The following C16orf87 variants were observed in gnomAD, a reference collection of about 807,000 sequenced individuals.
C16orf87 encodes UPF0547 protein C16orf87.
Under a neutral mutation model 21.0 loss-of-function variants are expected in C16orf87, and 13 were observed. The observed-to-expected ratio is 0.62, with a 90% CI of 0.40 to 0.98. The LOEUF (loss-of-function observed/expected upper bound fraction) is 0.98, where lower values mean the gene tolerates loss of function less well. C16orf87 is among the 50% of genes least tolerant of loss of function. The probability of loss-of-function intolerance (pLI) is 0.00; values close to 1 mark genes in which losing one functional copy is unlikely to be tolerated. For missense variants in C16orf87, 113 were observed against 180.4 expected (o/e 0.63, Z 2.14); for synonymous variants, 49 against 60.2 (o/e 0.81, Z 0.86).
At chr16:46,827,291 T>C (rs1315839784) in intron 1 of C16orf87, among the ~76,000 whole-genome samples, 1 of 152,172 alleles carries the variant, frequency 6.6e-6, no homozygotes, top group African/African-American at 2.4e-5. Flanking sequence ...CCCTAGATCC[T>C]GTAAAAAGAA....
rs955232161 is a variant in C16orf87, at chr16:46,799,924, C to A, written c.*3028G>T. The A allele has an allele frequency of 6.6e-6, 1 of 152,152 alleles. No individual in the cohort carries two copies. Among genetic ancestry groups the A allele is most frequent in the African/African-American group, 2.4e-5 (1 of 41,426 alleles). The allele number at this position is 152,152 out of a possible 1,614,324, so 9.4% of individuals were successfully genotyped here. On this transcript the variant is annotated 3_prime_UTR_variant, in exon 4 of 4. Coordinates refer to ENST00000285697, the MANE Select transcript of C16orf87 (RefSeq NM_001001436.4). ...AAAGTGTTGGGATTACAGGTGTAAG[C>A]CACCATGCCTGGCCAATTAATACTT...
chr16:46,811,321 T>C (rs1596812014), intron 2 of C16orf87, among the ~76,000 whole-genome samples: 1 of 152,002 alleles, frequency 6.6e-6, no homozygotes, highest in Admixed American at 6.6e-5. Context: ...CTGACCAACA[T>C]GGCAAAACCC....
At chr16:46,817,834 A>G (rs1048095486) in intron 2 of C16orf87, among the ~76,000 whole-genome samples, 1 of 151,190 alleles carries the variant, frequency 6.6e-6, no homozygotes, top group Non-Finnish European at 1.5e-5. Context: ...TTAAAGATGA[A>G]TATAGATATC....
At chr16:46,827,187 A>G (rs1959651825) in intron 1 of C16orf87, among the ~76,000 whole-genome samples, 1 of 152,176 alleles carries the variant, frequency 6.6e-6, no homozygotes, top group Admixed American at 6.5e-5. Flanking sequence ...GAGTTAATTC[A>G]TTCTATAGTC....
chr16:46,809,541 A>G (rs1203833278), intron 3 of C16orf87, 62 bp downstream of exon 3: 9 of 1,142,446 alleles, frequency 7.9e-6, no homozygotes, highest in Non-Finnish European at 1.1e-5. Context: ...CTTCACTACT[A>G]CCTAATTAAG....
rs901430867 is a variant in C16orf87, at chr16:46,802,446, C to T, written c.*506G>A. On this transcript the variant is annotated 3_prime_UTR_variant, in exon 4 of 4. Coordinates refer to ENST00000285697, the MANE Select transcript of C16orf87 (RefSeq NM_001001436.4). ...TTTACAGTTTATATTCTTAATTCCC[C>T]ATTCAATAAAATATCGATTGCCAAT... 1.3e-5 allele frequency: 2 copies of T among 152,460 alleles called. No individual in the cohort carries two copies. Among genetic ancestry groups the T allele is most frequent in the East Asian group, 1.9e-4 (1 of 5,186 alleles). 9.4% of individuals were successfully genotyped at this position (152,460 alleles called of 1,614,324 possible). A position where few individuals can be genotyped will look rare whatever the true frequency, so the allele number is the denominator to read the frequency against.
intron 1 of C16orf87, among the ~76,000 whole-genome samples, chr16:46,828,737 A>AT (rs1176706755): frequency 1.3e-5 from 2 of 151,998 alleles, no homozygotes; most frequent in Non-Finnish European, 2.9e-5. Flanking sequence ...TTCGAATTTA[A>AT]TTTTTTTTAG....
chr16:46,822,730 A>G (rs1046412232), intron 2 of C16orf87, among the ~76,000 whole-genome samples: 12 of 152,192 alleles, frequency 7.9e-5, no homozygotes, highest in African/African-American at 2.2e-4. Flanking sequence ...TACTGCAATA[A>G]TCCACTTCCA....
intron 2 of C16orf87, among the ~76,000 whole-genome samples, chr16:46,813,580 C>T (rs1968161186): frequency 6.6e-6 from 1 of 152,044 alleles, no homozygotes; most frequent in Non-Finnish European, 1.5e-5. Flanking sequence ...AAAGACAAGT[C>T]CCCAACAGAT....
chr16:46,829,667 C>G (rs1438252444), intron 1 of C16orf87, among the ~76,000 whole-genome samples: 2 of 152,106 alleles, frequency 1.3e-5, no homozygotes, highest in Non-Finnish European at 2.9e-5. Context: ...AAATTTAGTT[C>G]AGTAGTAAGA....
At chr16:46,811,939 C>A (rs1051916007) in intron 2 of C16orf87, among the ~76,000 whole-genome samples, 1 of 152,028 alleles carries the variant, frequency 6.6e-6, no homozygotes, top group African/African-American at 2.4e-5. Context: ...GGTGACAAAG[C>A]GACACCCTGT....
At chr16:46,814,076 A>T (rs1001705620) in intron 2 of C16orf87, among the ~76,000 whole-genome samples, 2 of 152,230 alleles carry the variant, frequency 1.3e-5, no homozygotes, top group Non-Finnish European at 2.9e-5. Flanking sequence ...AAAGGAAAAT[A>T]TATCTGTGGT....
chr16:46,810,335 A>G (rs1968045307), intron 2 of C16orf87, among the ~76,000 whole-genome samples: 1 of 152,188 alleles, frequency 6.6e-6, no homozygotes, highest in South Asian at 2.1e-4. Flanking sequence ...AATTTCTGAT[A>G]TAAGAGCATG....
At position 46,800,058 on chromosome 16, in the gene C16orf87, A is replaced by T. The variant is rs1466330208; in HGVS notation, c.*2894T>A. ...CCAAGTCATTTTAATGATCAGAATT[A>T]GAGAATCAAGTGCAATTACTAGAGT... On this transcript the variant is annotated 3_prime_UTR_variant, in exon 4 of 4. Transcript: ENST00000285697. 6.6e-6 allele frequency: 1 copy of T among 152,244 alleles called. No homozygotes were observed. The highest frequency in any genetic ancestry group is 1.5e-5 in the Non-Finnish European group (1 of 68,036). 9.4% of individuals were successfully genotyped at this position (152,244 alleles called of 1,614,324 possible).
At chr16:46,809,279 G>A (rs886396934) in intron 3 of C16orf87, among the ~76,000 whole-genome samples, 1 of 149,364 alleles carries the variant, frequency 6.7e-6, no homozygotes, top group Admixed American at 6.7e-5. Context: ...AGAACAACAC[G>A]CTGTCTCAAA....
At chr16:46,810,801 C>T (rs1968057454) in intron 2 of C16orf87, among the ~76,000 whole-genome samples, 1 of 152,098 alleles carries the variant, frequency 6.6e-6, no homozygotes, top group Non-Finnish European at 1.5e-5. Context: ...AGAAAGTTAT[C>T]AAAGACAAGC....
chr16:46,830,820 G>A (rs1417226446), intron 1 of C16orf87: 1 of 321,300 alleles, frequency 3.1e-6, no homozygotes, highest in Non-Finnish European at 5.7e-6. Context: ...CCCACCAAAG[G>A]CGCGCTCCTC....
At chr16:46,828,083 C>T (rs1959693534) in intron 1 of C16orf87, among the ~76,000 whole-genome samples, 1 of 151,936 alleles carries the variant, frequency 6.6e-6, no homozygotes, top group South Asian at 2.1e-4. Context: ...TACAGAGGTG[C>T]ATGCCACCAC....
intron 2 of C16orf87, among the ~76,000 whole-genome samples, chr16:46,823,819 C>G (rs1236872628): frequency 6.6e-6 from 1 of 152,142 alleles, no homozygotes. Context: ...TAAATAATTA[C>G]ACTCAGTGAA....
Sources: gnomAD v4.1 joint callset for allele counts (sites outside exome capture counted in the v4.1 genomes callset) on GRCh38, gnomAD v4.1.1 for gene constraint, MANE v1.5 for transcripts, NCBI Gene and HGNC (gene_info 2026-07-23, HGNC 2026-07-21) for gene names.